Variants in CNTN5 observed in about 807,000 individuals in gnomAD.
The protein encoded by CNTN5 is contactin 5.
In CNTN5, 77 loss-of-function variants were observed where a neutral mutation model predicts 129.1. The observed-to-expected ratio is 0.60, with a 90% CI of 0.50 to 0.72. CNTN5 has a LOEUF of 0.72. Among genes scored for constraint, CNTN5 ranks in the 30% least tolerant of loss-of-function variants. The pLI is 0.00. For missense variants in CNTN5, 1,478 were observed against 1,328.8 expected (o/e 1.11, Z -1.75); for synonymous variants, 509 against 465.6 (o/e 1.09, Z -1.20).
chr11:99,723,455 C>T (rs965225624), intron 3 of CNTN5, among the ~76,000 whole-genome samples: 3 of 152,102 alleles, frequency 2.0e-5, no homozygotes. Flanking sequence ...ATCTCTACTC[C>T]AACCTCCAGA....
intron 2 of CNTN5, among the ~76,000 whole-genome samples, chr11:99,354,961 G>A (rs1938541337): frequency 6.6e-6 from 1 of 152,070 alleles, no homozygotes; most frequent in African/African-American, 2.4e-5. Flanking sequence ...TGGACAGACA[G>A]GCCCCCTTGC....
chr11:99,682,053 G>A (rs1311751755), intron 3 of CNTN5, among the ~76,000 whole-genome samples: 1 of 151,838 alleles, frequency 6.6e-6, no homozygotes, highest in Non-Finnish European at 1.5e-5. Context: ...CAAGAATCAA[G>A]TGTACAGAAA....
intron 18 of CNTN5, among the ~76,000 whole-genome samples, chr11:100,272,434 A>C (rs1427223977): frequency 1.3e-5 from 2 of 152,168 alleles, no homozygotes; most frequent in Non-Finnish European, 2.9e-5. Flanking sequence ...TAATCATTAA[A>C]ATAAACTCTC....
chr11:99,223,387 T>G (rs918163280), intron 1 of CNTN5, among the ~76,000 whole-genome samples: 1 of 152,188 alleles, frequency 6.6e-6, no homozygotes, highest in Non-Finnish European at 1.5e-5. Flanking sequence ...ATCTTTGGAT[T>G]CATTTTGAAC....
chr11:99,474,793 C>A (rs1424574489), intron 2 of CNTN5, among the ~76,000 whole-genome samples: 3 of 152,082 alleles, frequency 2.0e-5, no homozygotes, highest in Non-Finnish European at 2.9e-5. Context: ...TTGGTTTTCA[C>A]CATTAATACA....
intron 3 of CNTN5, among the ~76,000 whole-genome samples, chr11:99,622,010 C>T (rs1950966893): frequency 1.3e-5 from 2 of 152,284 alleles, no homozygotes; most frequent in South Asian, 4.1e-4. Flanking sequence ...TTATCTGGAA[C>T]ACTTTAGAGC....
intron 8 of CNTN5, among the ~76,000 whole-genome samples, chr11:99,961,550 A>T (rs574371831): frequency 7.9e-5 from 12 of 152,222 alleles, no homozygotes; most frequent in Non-Finnish European, 1.5e-4. Flanking sequence ...GCTTGAGGAC[A>T]TTCTGAAATC....
In CNTN5 at chr11:99,556,340, A is replaced by G. The variant is rs1441763854; in HGVS notation, c.55+71A>G. The stretch of plus-strand genomic sequence containing the variant: ...ATAACCAAAATATATCAAGGTCTCC[A>G]TTACAAAATATCCTCAGGTATTAAT... On this transcript the variant is annotated intron_variant, in intron 3 of 24. Transcript: ENST00000524871. 1.5e-5 allele frequency: 13 copies of G among 890,238 alleles called. 1 individual carries two copies. The highest frequency in any genetic ancestry group is 3.5e-5 in the South Asian group (2 of 57,186). 55.1% of individuals were successfully genotyped at this position (890,238 alleles called of 1,614,324 possible).
At chr11:99,564,954 TA>T (rs1391660457) in intron 3 of CNTN5, among the ~76,000 whole-genome samples, 2 of 152,232 alleles carry the variant, frequency 1.3e-5, no homozygotes, top group African/African-American at 4.8e-5. Flanking sequence ...TGGGTTTTTT[TA>T]ACTATCATAT....
At chr11:99,504,366 C>T (rs1489166670) in intron 2 of CNTN5, among the ~76,000 whole-genome samples, 2 of 151,664 alleles carry the variant, frequency 1.3e-5, no homozygotes, top group South Asian at 2.1e-4. Context: ...CACGGTGAAA[C>T]CCCGTCTCTA....
intron 7 of CNTN5, among the ~76,000 whole-genome samples, chr11:99,952,720 GAAC>G (rs964384650): frequency 2.7e-4 from 41 of 151,900 alleles, no homozygotes; most frequent in Admixed American, 2.6e-3. Context: ...TCATAATAAA[GAAC>G]AAATTATAAA....
intron 3 of CNTN5, among the ~76,000 whole-genome samples, chr11:99,763,767 T>A (rs537804528): frequency 6.6e-6 from 1 of 152,092 alleles, no homozygotes; most frequent in Non-Finnish European, 1.5e-5. Context: ...AGTCTTGTGA[T>A]CTGCATTTTA....
chr11:100,218,685 T>A (rs1949195372), intron 15 of CNTN5, among the ~76,000 whole-genome samples: 1 of 152,230 alleles, frequency 6.6e-6, no homozygotes, highest in Non-Finnish European at 1.5e-5. Context: ...CTGAAAGAGA[T>A]AAGACTTGAA....
chr11:99,785,847 A>T (rs918656914), intron 3 of CNTN5, among the ~76,000 whole-genome samples: 1 of 152,150 alleles, frequency 6.6e-6, no homozygotes, highest in African/African-American at 2.4e-5. Context: ...TATTGATGGG[A>T]CATATCTCAA....
intron 2 of CNTN5, among the ~76,000 whole-genome samples, chr11:99,493,363 T>A (rs1171821022): frequency 6.6e-6 from 1 of 152,242 alleles, no homozygotes; most frequent in Non-Finnish European, 1.5e-5. Context: ...TACTTTTATT[T>A]GGGCTCATTT....
chr11:100,055,347 C>T (rs1943171267), intron 9 of CNTN5, among the ~76,000 whole-genome samples: 1 of 151,558 alleles, frequency 6.6e-6, no homozygotes, highest in African/African-American at 2.4e-5. Flanking sequence ...TATACACACA[C>T]ATTATTTTTA....
chr11:99,917,871 T>C (rs992882328), intron 7 of CNTN5, among the ~76,000 whole-genome samples: 1 of 152,268 alleles, frequency 6.6e-6, no homozygotes, highest in South Asian at 2.1e-4. Context: ...GATTAAGTAA[T>C]AATGTGATCT....
At chr11:100,059,536 A>T (rs1356080123) in intron 9 of CNTN5, among the ~76,000 whole-genome samples, 1 of 152,158 alleles carries the variant, frequency 6.6e-6, no homozygotes, top group African/African-American at 2.4e-5. Flanking sequence ...AATAAAAAAA[A>T]CATAAGCAAA....
At chr11:99,509,944 A>G (rs1946772170) in intron 2 of CNTN5, among the ~76,000 whole-genome samples, 1 of 151,890 alleles carries the variant, frequency 6.6e-6, no homozygotes, top group Non-Finnish European at 1.5e-5. Flanking sequence ...GACTCCATCT[A>G]TTAATATTTC....
Sources: gnomAD v4.1 joint callset for allele counts (sites outside exome capture counted in the v4.1 genomes callset) on GRCh38, gnomAD v4.1.1 for gene constraint, MANE v1.5 for transcripts, NCBI Gene and HGNC (gene_info 2026-07-23, HGNC 2026-07-21) for gene names.